The following BOLL variants were observed in gnomAD, a reference collection of about 807,000 sequenced individuals.
BOLL encodes boule RNA binding protein.
Under a neutral mutation model 44.4 loss-of-function variants are expected in BOLL, and 23 were observed. The ratio of observed to expected loss-of-function variants is 0.52; its 90% CI spans 0.37 to 0.73. BOLL has a LOEUF of 0.73. Ranked by LOEUF, BOLL falls within the 30% of genes least tolerant of loss-of-function variation. The probability of loss-of-function intolerance (pLI) is 0.00; values close to 1 mark genes in which losing one functional copy is unlikely to be tolerated. For synonymous variants in BOLL, 97 were observed against 110.8 expected, an observed-to-expected ratio of 0.88 and a Z score of 0.78; for missense variants, 287 against 338.3, an observed-to-expected ratio of 0.85 and a Z score of 1.19.
chr2:197,760,124 C>T lies in BOLL; in HGVS notation c.553-2724G>A, dbSNP rs539050214. Among the ~76,000 whole-genome samples, 179 of 152,172 alleles carry T rather than the reference C, an allele frequency of 1.2e-3. 6 individuals are homozygous for T. The South Asian group carries it at 0.035, about 30-fold the overall frequency. ...GCTTCCAGTGGGCATGATCCCAGGCCGACCAATAGCCCTGTGCCTGCATTC... is the reference window on the plus strand; with the variant it reads ...GCTTCCAGTGGGCATGATCCCAGGCTGACCAATAGCCCTGTGCCTGCATTC... On this transcript the variant is annotated intron_variant, in intron 7 of 10. Transcript: ENST00000392296.
At chr2:197,737,686 GA>G (rs1230832902) in intron 10 of BOLL, among the ~76,000 whole-genome samples, 5 of 152,106 alleles carry the variant, frequency 3.3e-5, no homozygotes, top group East Asian at 3.9e-4. Context: ...AAATGGTTGG[GA>G]AAAAAATACT....
intron 10 of BOLL, among the ~76,000 whole-genome samples, chr2:197,731,373 TA>T (rs1371530837): frequency 1.4e-5 from 2 of 146,062 alleles, no homozygotes; most frequent in East Asian, 4.0e-4. Flanking sequence ...TGGGAGACTT[TA>T]ACACCCCACT....
At position 197,752,431 on chromosome 2, in the gene BOLL, T is replaced by A. The variant is rs374240284; in HGVS notation, c.729+3997A>T. On this transcript the variant is annotated intron_variant, in intron 9 of 10. Transcript: ENST00000392296. ...ATCTCAGCCCCAAAACTCCTTAAAC[T>A]GATAAGAAACTTCAGTAAAGTCTCA... Among the ~76,000 whole-genome samples, 29 of 152,316 alleles carry A rather than the reference T, an allele frequency of 1.9e-4. 1 individual carries two copies. The highest frequency in any genetic ancestry group is 6.5e-4 in the African/African-American group (27 of 41,564).
At chr2:197,734,853 T>G (rs1687407200) in intron 10 of BOLL, among the ~76,000 whole-genome samples, 1 of 152,086 alleles carries the variant, frequency 6.6e-6, no homozygotes, top group Non-Finnish European at 1.5e-5. Context: ...TGCCTAATGC[T>G]AAATGACGAG....
At chr2:197,764,848 C>T (rs1559410030) in intron 7 of BOLL, among the ~76,000 whole-genome samples, 1 of 152,118 alleles carries the variant, frequency 6.6e-6, no homozygotes, top group African/African-American at 2.4e-5. Flanking sequence ...CTACCCTAAT[C>T]CCTTTTTTAT....
At chr2:197,784,391 C>CATATACATACAT (rs1689946803) in intron 1 of BOLL, among the ~76,000 whole-genome samples, 1 of 55,000 alleles carries the variant, frequency 1.8e-5, no homozygotes, top group African/African-American at 8.5e-5. Flanking sequence ...CAGTCTAATA[C>CATATACATACAT]ATATATATAT....
chr2:197,733,027 G>C (rs1177277010), intron 10 of BOLL, among the ~76,000 whole-genome samples: 1 of 139,082 alleles, frequency 7.2e-6, no homozygotes, highest in Non-Finnish European at 1.6e-5. Context: ...AATTGTCCCT[G>C]TTTGCAGACG....
Position 197,769,993 on chromosome 2 carries a change from G to A in BOLL, c.480+1862C>T, listed in dbSNP as rs548697095. Among the ~76,000 whole-genome samples, 1,080 of 152,042 alleles carry A rather than the reference G, an allele frequency of 7.1e-3. 22 individuals carry two copies. The highest frequency in any genetic ancestry group is 0.024 in the African/African-American group (1,012 of 41,534). ...AATGACTTTCTTCACAGAATTGGAAGAAACTACTTTAAAGTTCATATGGAA... is the reference window on the plus strand; with the variant it reads ...AATGACTTTCTTCACAGAATTGGAAAAAACTACTTTAAAGTTCATATGGAA... On this transcript the variant is annotated intron_variant, in intron 6 of 10. Transcript: ENST00000392296.
At chr2:197,741,978 AC>A (rs1306276133) in intron 10 of BOLL, among the ~76,000 whole-genome samples, 5 of 152,370 alleles carry the variant, frequency 3.3e-5, no homozygotes, top group Admixed American at 3.3e-4. Context: ...CAAGAAAAAA[AC>A]AACCCCATCA....
At chr2:197,744,416 G>T (rs1687901295) in intron 9 of BOLL, among the ~76,000 whole-genome samples, 2 of 152,190 alleles carry the variant, frequency 1.3e-5, no homozygotes, top group Non-Finnish European at 2.9e-5. Context: ...ACCAAGGGTA[G>T]GAAGAGTTTT....
chr2:197,778,364 T>A (rs1025770019), intron 3 of BOLL, among the ~76,000 whole-genome samples: 1 of 151,944 alleles, frequency 6.6e-6, no homozygotes, highest in South Asian at 2.1e-4. Context: ...GTCCAACTCC[T>A]TAAGTGAGTG....
chr2:197,776,969 A>G, intron 4 of BOLL, 90 bp downstream of exon 4: 1 of 1,010,292 alleles, frequency 9.9e-7, no homozygotes, highest in South Asian at 1.9e-5. Context: ...TTTTTTAAAA[A>G]GCAGTTGATT....
At chr2:197,736,081 G>A (rs1426879184) in intron 10 of BOLL, among the ~76,000 whole-genome samples, 1 of 152,070 alleles carries the variant, frequency 6.6e-6, no homozygotes, top group Non-Finnish European at 1.5e-5. Context: ...CTATGCTACT[G>A]TGGGCAAGTT....
At chr2:197,746,598 T>C (rs1687993567) in intron 9 of BOLL, among the ~76,000 whole-genome samples, 1 of 151,932 alleles carries the variant, frequency 6.6e-6, no homozygotes, top group Non-Finnish European at 1.5e-5. Flanking sequence ...CGTGAAAAAG[T>C]CGAACTCATA....
intron 9 of BOLL, among the ~76,000 whole-genome samples, chr2:197,744,045 G>A (rs186819609): frequency 8.5e-4 from 129 of 152,258 alleles, no homozygotes; most frequent in African/African-American, 3.0e-3. Context: ...TCCTGACCTC[G>A]GGATCCACCC....
intron 1 of BOLL, chr2:197,784,789 A>G (rs1689991673): frequency 1.0e-6 from 1 of 987,532 alleles, no homozygotes; most frequent in Admixed American, 6.2e-5. Context: ...TAAGTTCATT[A>G]TAAACAATTA....
Position 197,727,322 on chromosome 2 carries a change from G to A in BOLL, c.*1233C>T, listed in dbSNP as rs1686894059. On this transcript the variant is annotated 3_prime_UTR_variant, in exon 11 of 11. Transcript: ENST00000392296. ...TGGGGTTGAAACAGGGGAGGAAAGA[G>A]ATAGATTTATTAGGGTAATACCAAC... is the stretch of plus-strand genomic sequence containing the variant. 6.6e-6 allele frequency: 1 copy of A among 152,348 alleles called. No individual in the cohort carries two copies. Among genetic ancestry groups the A allele is most frequent in the Non-Finnish European group, 1.5e-5 (1 of 68,048 alleles). The allele number at this position is 152,348 out of a possible 1,614,324, so 9.4% of individuals were successfully genotyped here.
chr2:197,769,392 G>T (rs1005885010), intron 6 of BOLL, among the ~76,000 whole-genome samples: 1 of 152,080 alleles, frequency 6.6e-6, no homozygotes, highest in African/African-American at 2.4e-5. Context: ...AGTCTTGGGA[G>T]GGTGTATGTG....
At chr2:197,742,840 T>A (rs112256437) in intron 10 of BOLL, among the ~76,000 whole-genome samples, 1 of 152,016 alleles carries the variant, frequency 6.6e-6, no homozygotes, top group African/African-American at 2.4e-5. Flanking sequence ...AAAAATTTTT[T>A]AAAAAAGAAA....
Sources: allele counts gnomAD v4.1 joint callset (sites outside exome capture counted in the v4.1 genomes callset), GRCh38; gene constraint gnomAD v4.1.1; transcripts MANE v1.5; gene names NCBI Gene and HGNC (gene_info 2026-07-23, HGNC 2026-07-21).